IGF2BP2: variants seen among roughly 807,000 people sequenced by gnomAD.
The protein encoded by IGF2BP2 is insulin-like growth factor 2 mRNA-binding protein 2.
Under a neutral mutation model 75.8 loss-of-function variants are expected in IGF2BP2, and 17 were observed. That is an observed-to-expected ratio of 0.22 (90% CI 0.15 to 0.34). The LOEUF is 0.34. IGF2BP2 is among the 10% of genes least tolerant of loss of function. The pLI, the probability that IGF2BP2 is intolerant of heterozygous loss-of-function variation, is 1.00. For missense variants in IGF2BP2, 516 were observed against 772.4 expected (o/e 0.67, Z 3.93); for synonymous variants, 288 against 295.6 (o/e 0.97, Z 0.26).
intron 2 of IGF2BP2, among the ~76,000 whole-genome samples, chr3:185,820,274 AT>A (rs1741204849): frequency 6.7e-6 from 1 of 149,546 alleles, no homozygotes; most frequent in South Asian, 2.1e-4. Flanking sequence ...ACACACACAC[AT>A]AATTTTTAAG....
At chr3:185,659,856 G>A (rs1412521538) in intron 10 of IGF2BP2, among the ~76,000 whole-genome samples, 2 of 151,236 alleles carry the variant, frequency 1.3e-5, no homozygotes, top group Non-Finnish European at 2.9e-5. Flanking sequence ...GTGCAGTGGC[G>A]CAATCTCGGC....
At chr3:185,651,012 G>A (rs1023006638) in intron 13 of IGF2BP2, among the ~76,000 whole-genome samples, 2 of 152,206 alleles carry the variant, frequency 1.3e-5, no homozygotes, top group African/African-American at 4.8e-5. Context: ...GGGTTCAAGT[G>A]ATCCTCCTGC....
intron 2 of IGF2BP2, among the ~76,000 whole-genome samples, chr3:185,746,984 C>T (rs1016082584): frequency 2.0e-5 from 3 of 151,968 alleles, no homozygotes; most frequent in African/African-American, 7.3e-5. Context: ...TGTGATTGGA[C>T]AAGAGGCAAA....
intron 12 of IGF2BP2, among the ~76,000 whole-genome samples, chr3:185,653,289 CTTA>C (rs1292071773): frequency 6.6e-5 from 10 of 152,072 alleles, no homozygotes; most frequent in African/African-American, 1.4e-4. Context: ...AAAATTAAAA[CTTA>C]TTAACACATT....
chr3:185,680,690 TC>T (rs1417533377), intron 7 of IGF2BP2, among the ~76,000 whole-genome samples: 6 of 152,148 alleles, frequency 3.9e-5, no homozygotes, highest in Non-Finnish European at 1.5e-5. Context: ...ATGCCTGTAA[TC>T]CCATCACTTT....
intron 6 of IGF2BP2, among the ~76,000 whole-genome samples, chr3:185,688,173 A>G (rs1423872817): frequency 2.0e-5 from 3 of 152,202 alleles, no homozygotes; most frequent in Non-Finnish European, 4.4e-5. Flanking sequence ...TCAGGTTACA[A>G]GACACCCACT....
chr3:185,682,931 T>C (rs1322091889), intron 7 of IGF2BP2, among the ~76,000 whole-genome samples: 2 of 151,994 alleles, frequency 1.3e-5, no homozygotes, highest in Admixed American at 6.6e-5. Flanking sequence ...CCCAGCAATC[T>C]CACTTCTTGG....
chr3:185,676,833 A>G (rs1165039900), intron 7 of IGF2BP2, among the ~76,000 whole-genome samples: 1 of 124,358 alleles, frequency 8.0e-6, no homozygotes, highest in African/African-American at 2.7e-5. Context: ...ATGGAGATAT[A>G]CACTTACTGG....
At chr3:185,729,044 T>C (rs1349996672) in intron 2 of IGF2BP2, among the ~76,000 whole-genome samples, 1 of 151,920 alleles carries the variant, frequency 6.6e-6, no homozygotes. Flanking sequence ...GTACTCTTAG[T>C]GGAGGAGGGA....
At chr3:185,692,595 A>G (rs1722088794) in intron 5 of IGF2BP2, 104 bp downstream of exon 5, 1 of 1,062,720 alleles carries the variant, frequency 9.4e-7, no homozygotes, top group Non-Finnish European at 1.4e-6. Flanking sequence ...TATCCAGCTC[A>G]AAGATCTGCA....
intron 14 of IGF2BP2, among the ~76,000 whole-genome samples, chr3:185,648,357 G>T (rs1167829429): frequency 1.3e-5 from 2 of 151,794 alleles, no homozygotes; most frequent in Non-Finnish European, 2.9e-5. Context: ...CAGCTACTCA[G>T]GAGGCCGAGG....
At chr3:185,721,977 G>T in intron 2 of IGF2BP2, 1 of 258,384 alleles carries the variant, frequency 3.9e-6, no homozygotes, top group Non-Finnish European at 7.6e-6. Context: ...ATCCTTGGCA[G>T]TTCTTAGAAA....
intron 2 of IGF2BP2, among the ~76,000 whole-genome samples, chr3:185,769,442 T>TAA (rs1733565297): frequency 6.6e-6 from 1 of 152,056 alleles, no homozygotes; most frequent in South Asian, 2.1e-4. Flanking sequence ...CTGTAACTCT[T>TAA]AAATAGTGAA....
chr3:185,721,422 G>A (rs545369293), intron 2 of IGF2BP2, among the ~76,000 whole-genome samples: 35 of 152,046 alleles, frequency 2.3e-4, no homozygotes, highest in Admixed American at 2.0e-3. Context: ...GGCTGCTCTC[G>A]AACTCCTGAC....
intron 2 of IGF2BP2, among the ~76,000 whole-genome samples, chr3:185,761,324 A>C (rs916228361): frequency 3.9e-5 from 6 of 152,242 alleles, no homozygotes; most frequent in Non-Finnish European, 8.8e-5. Context: ...TTAGAGAACT[A>C]AACGTAACAG....
chr3:185,712,162 C>T (rs931658379), intron 2 of IGF2BP2, among the ~76,000 whole-genome samples: 1 of 152,170 alleles, frequency 6.6e-6, no homozygotes, highest in Non-Finnish European at 1.5e-5. Flanking sequence ...CTGAGAAGTG[C>T]AACTGTCAAA....
intron 13 of IGF2BP2, among the ~76,000 whole-genome samples, chr3:185,650,159 A>T (rs1714346785): frequency 6.8e-6 from 1 of 147,284 alleles, no homozygotes; most frequent in South Asian, 2.1e-4. Flanking sequence ...GCCTCAAGTG[A>T]TCCTCCCACC....
chr3:185,760,186 G>A (rs1020917926), intron 2 of IGF2BP2, among the ~76,000 whole-genome samples: 1 of 152,060 alleles, frequency 6.6e-6, no homozygotes, highest in Non-Finnish European at 1.5e-5. Context: ...TGTTCACAAT[G>A]GAAAGAAACT....
chr3:185,651,927 A>G (rs1359844434), intron 13 of IGF2BP2, among the ~76,000 whole-genome samples, 167 bp downstream of exon 13: 1 of 151,890 alleles, frequency 6.6e-6, no homozygotes, highest in African/African-American at 2.4e-5. Context: ...AGCAGAGGGC[A>G]AACATGCAGA....
Sources: gnomAD v4.1 joint callset for allele counts (sites outside exome capture counted in the v4.1 genomes callset) on GRCh38, gnomAD v4.1.1 for gene constraint, MANE v1.5 for transcripts, NCBI Gene and HGNC (gene_info 2026-07-23, HGNC 2026-07-21) for gene names.